Variants in EVC observed in about 807,000 individuals in gnomAD.
The protein encoded by EVC is evC complex member EVC.
Under a neutral mutation model 118.9 loss-of-function variants are expected in EVC, and 116 were observed. That is an observed-to-expected ratio of 0.98 (90% CI 0.84 to 1.14). The LOEUF (loss-of-function observed/expected upper bound fraction) is 1.14. Ranked by LOEUF, EVC falls within the 50% of genes most tolerant of loss-of-function variation. The pLI, the probability that EVC is intolerant of heterozygous loss-of-function variation, is 0.00. For missense variants in EVC, 1,401 were observed against 1,246.4 expected, an observed-to-expected ratio of 1.12 and a Z score of -1.87; for synonymous variants, 619 against 534.7, an observed-to-expected ratio of 1.16 and a Z score of -2.18.
downstream of EVC, among the ~76,000 whole-genome samples, chr4:5,817,879 T>C (rs1717945366): frequency 6.6e-6 from 1 of 152,044 alleles, no homozygotes; most frequent in Non-Finnish European, 1.5e-5. Context: ...CATCTGAAAA[T>C]GGTTTGGCTT....
chr4:5,761,913 T>C (rs949043560), intron 11 of EVC, among the ~76,000 whole-genome samples: 1 of 151,644 alleles, frequency 6.6e-6, no homozygotes, highest in Non-Finnish European at 1.5e-5. Flanking sequence ...TTTTTTTTTT[T>C]AATTATTATT....
At chr4:5,726,568 C>CTTTTTTTTTTTTTTTTTTTTTT (rs34483285) in intron 2 of EVC, among the ~76,000 whole-genome samples, 1 of 134,516 alleles carries the variant, frequency 7.4e-6, no homozygotes, top group Non-Finnish European at 1.6e-5. Flanking sequence ...CTTCTCTTTT[C>CTTTTTTTTTTTTTTTTTTTTTT]TTTTTTTTTT....
chr4:5,753,020 C>A lies in EVC; in HGVS notation c.1283C>A (p.Ala428Asp). The A allele has an allele frequency of 6.2e-7, 1 of 1,609,758 alleles. No individual in the cohort carries two copies. The highest frequency in any genetic ancestry group is 8.5e-7 in the Non-Finnish European group (1 of 1,178,314). The change falls in exon 9 of 21, where the codon GCC (alanine) becomes GAC (aspartate). Residue 428 changes from alanine (A) to aspartate (D), a missense_variant. Physicochemically the swap from Ala to Asp is moderately radical, Grantham distance 126. Transcript: ENST00000264956. Reference protein sequence around the residue: ...KEELLTQQHKAFWQEAERFSR... With the variant: ...KEELLTQQHKDFWQEAERFSR... ...GAGCTGCTCACGCAGCAGCACAAGGCCTTCTGGCAGGAGGCAGAGCGCTTC... is the reference window on the plus strand; with the variant it reads ...GAGCTGCTCACGCAGCAGCACAAGGACTTCTGGCAGGAGGCAGAGCGCTTC...
At chr4:5,828,647 C>T in the EVC span, 3 of 1,614,138 alleles carry the variant, frequency 1.9e-6, no homozygotes, top group African/African-American at 1.3e-5. Context: ...TCCATACCCT[C>T]GAAGATGTTG....
At chr4:5,828,855 C>T in the EVC span, among the ~76,000 whole-genome samples, 3 of 152,222 alleles carry the variant, frequency 2.0e-5, no homozygotes, top group Non-Finnish European at 4.4e-5. Context: ...CAACAACTCA[C>T]CGTTGCGCAT....
In EVC at chr4:5,789,950, G is replaced by C. The variant is rs189182546; in HGVS notation, c.1777-3658G>C. Among the ~76,000 whole-genome samples, 2 of 152,244 alleles carry C rather than the reference G, an allele frequency of 1.3e-5. No individual in the cohort carries two copies. Among genetic ancestry groups the C allele is most frequent in the Non-Finnish European group, 1.5e-5 (1 of 68,028 alleles). ...AATCCCAGCACCTTGGGAGGCCAAG[G>C]CAGGTAGATCACCTGAGATCAAGAG... On this transcript the variant is annotated intron_variant, in intron 12 of 20. Coordinates refer to ENST00000264956, the MANE Select transcript of EVC (RefSeq NM_153717.3). This position sits in a 1 kb window ranked among gnomAD's most constrained non-coding sequence, Gnocchi z 4.3.
intron 1 of EVC, among the ~76,000 whole-genome samples, chr4:5,711,881 A>G (rs1723095247): frequency 6.6e-6 from 1 of 152,122 alleles, no homozygotes; most frequent in Non-Finnish European, 1.5e-5. Flanking sequence ...GCCATGGTGG[A>G]CAGAAGGACG....
chr4:5,783,310 G>C (rs968229065), intron 11 of EVC, among the ~76,000 whole-genome samples: 25 of 148,450 alleles, frequency 1.7e-4, no homozygotes. Context: ...GCATGTGTCT[G>C]TGTGTACAAG....
At chr4:5,779,717 C>G (rs1227231715) in intron 11 of EVC, among the ~76,000 whole-genome samples, 1 of 122,536 alleles carries the variant, frequency 8.2e-6, no homozygotes, top group South Asian at 2.6e-4. Context: ...GCTGAAGTTG[C>G]TTATCAGCTT....
chr4:5,773,013 G>A (rs1734219016), intron 11 of EVC, among the ~76,000 whole-genome samples: 1 of 152,132 alleles, frequency 6.6e-6, no homozygotes, highest in African/African-American at 2.4e-5. Flanking sequence ...GGGGGAGCAT[G>A]TGTGCACTGT....
chr4:5,749,179 T>A lies in EVC; in HGVS notation c.1098+873T>A, dbSNP rs1729961058. 6.6e-6 allele frequency among the ~76,000 whole-genome samples: 1 copy of A among 152,098 alleles called. No homozygotes were observed. Among genetic ancestry groups the A allele is most frequent in the Non-Finnish European group, 1.5e-5 (1 of 68,012 alleles). On this transcript the variant is annotated intron_variant, in intron 8 of 20. Transcript: ENST00000264956. This position sits in a 1 kb window ranked among gnomAD's most constrained non-coding sequence, Gnocchi z 4.4. ...GTCTGGAGTGGAGGCCCTGGCATTGTGGGTTTTAAAACTCCCTGAACTATT... is the reference window on the plus strand; with the variant it reads ...GTCTGGAGTGGAGGCCCTGGCATTGAGGGTTTTAAAACTCCCTGAACTATT...
rs12506440 is a variant in EVC at position 5,752,026 on chromosome 4, C to T, written c.1099-810C>T. On this transcript the variant is annotated intron_variant, in intron 8 of 20. Transcript: ENST00000264956. The stretch of plus-strand genomic sequence containing the variant: ...CAGCATCTCTGAAAGGTCCGCTGTT[C>T]TGTGAGGTGGGGTTAGAGCATGGGG... Among the ~76,000 whole-genome samples the T allele has an allele frequency of 5.3e-4, 81 of 152,284 alleles. 1 individual carries two copies. Among genetic ancestry groups the T allele is most frequent in the Admixed American group, 4.4e-3 (67 of 15,300 alleles).
chr4:5,780,480 A>C (rs991111455), intron 11 of EVC, among the ~76,000 whole-genome samples: 8 of 148,904 alleles, frequency 5.4e-5, no homozygotes, highest in Non-Finnish European at 8.8e-5. Flanking sequence ...TAATAATTAT[A>C]ATAGAATGCC....
chr4:5,776,455 A>G (rs1055603290), intron 11 of EVC, among the ~76,000 whole-genome samples: 2 of 152,148 alleles, frequency 1.3e-5, no homozygotes, highest in African/African-American at 2.4e-5. Flanking sequence ...ACTGGAACCC[A>G]ACTGTCAGAG....
chr4:5,732,246 G>A (rs7437281), intron 4 of EVC, among the ~76,000 whole-genome samples: 46,073 of 151,856 alleles, frequency 0.3, 7,285 homozygotes, highest in African/African-American at 0.38. Context: ...GGCTTAAGAA[G>A]CTCAGTCTGG....
In EVC at chr4:5,769,102, C is replaced by G. The variant is rs552687521; in HGVS notation, c.1563+12740C>G. On this transcript the variant is annotated intron_variant, in intron 11 of 20. Transcript: ENST00000264956. ...CTCACACTTGTAATAAAGATATACC[C>G]GAGACTGAGTAATTTATAAAGGAAA... Among the ~76,000 whole-genome samples the G allele has an allele frequency of 2.0e-5, 3 of 152,100 alleles. No individual in the cohort carries two copies. In the East Asian group the frequency reaches 5.8e-4, roughly 29 times the overall value.
At chr4:5,778,388 G>T (rs1577541967) in intron 11 of EVC, among the ~76,000 whole-genome samples, 1 of 151,880 alleles carries the variant, frequency 6.6e-6, no homozygotes, top group East Asian at 1.9e-4. Flanking sequence ...GGTATTTCTA[G>T]TTCTAGATCC....
chr4:5,825,212 A>G, the EVC span: 14 of 985,238 alleles, frequency 1.4e-5, no homozygotes, highest in Non-Finnish European at 1.7e-5. This position sits in a 1 kb window ranked among gnomAD's most constrained non-coding sequence, Gnocchi z 4.4. Flanking sequence ...AGTGTCCCCA[A>G]ATGTGTGTAA....
At chr4:5,721,159 C>T (rs1189608997) in intron 2 of EVC, among the ~76,000 whole-genome samples, 1 of 152,186 alleles carries the variant, frequency 6.6e-6, no homozygotes, top group African/African-American at 2.4e-5. Flanking sequence ...CACCCTCTCA[C>T]ACTACTAGAA....
Sources: allele counts gnomAD v4.1 joint callset (sites outside exome capture counted in the v4.1 genomes callset), GRCh38; gene constraint gnomAD v4.1.1; non-coding constraint Gnocchi (gnomAD v3.1); transcripts MANE v1.5; gene names NCBI Gene and HGNC (gene_info 2026-07-23, HGNC 2026-07-21).